The following VPS13A variants were observed in gnomAD, a reference collection of about 807,000 sequenced individuals.
VPS13A encodes intermembrane lipid transfer protein VPS13A.
In VPS13A, 264 loss-of-function variants were observed where a neutral mutation model predicts 390.9. That is an observed-to-expected ratio of 0.68 (90% CI 0.61 to 0.75). The LOEUF is 0.75. Among genes scored for constraint, VPS13A ranks in the 30% least tolerant of loss-of-function variants. VPS13A has a pLI of 0.00. For synonymous variants in VPS13A, 1,231 were observed against 1,227.1 expected (o/e 1.00, Z -0.07); for missense variants, 3,409 against 3,733.9 (o/e 0.91, Z 2.27).
At chr9:77,258,367 T>C (rs748349806) in intron 22 of VPS13A, among the ~76,000 whole-genome samples, 38 of 152,168 alleles carry the variant, frequency 2.5e-4, no homozygotes, top group South Asian at 1.0e-3. Flanking sequence ...TCCTATATGG[T>C]ACATGGGGTG....
chr9:77,413,529 G>A (rs1345817975), intron 71 of VPS13A, among the ~76,000 whole-genome samples: 1 of 152,128 alleles, frequency 6.6e-6, no homozygotes, highest in African/African-American at 2.4e-5. Context: ...GGGAAAACTA[G>A]CTAGCCATAT....
intron 1 of VPS13A, among the ~76,000 whole-genome samples, chr9:77,195,851 AT>A (rs1358805777): frequency 1.3e-5 from 2 of 148,968 alleles, no homozygotes; most frequent in Non-Finnish European, 3.0e-5. Flanking sequence ...CTAGGTTTGC[AT>A]TTTGTTTTGT....
At chr9:77,377,895 A>G (rs1267573096) in intron 67 of VPS13A, among the ~76,000 whole-genome samples, 1 of 152,186 alleles carries the variant, frequency 6.6e-6, no homozygotes, top group Non-Finnish European at 1.5e-5. Flanking sequence ...AGATTTTATG[A>G]AACGCTTTTT....
chr9:77,321,252 C>G lies in VPS13A; in HGVS notation c.5499C>G (p.Ile1833Met). ...AAGTGCCAGAATATAAAACTGTCAT[C>G]AGTTTCCATTCAAAAGACCAATTAA... ...NYKVPEYKTV[I>M]SFHSKDQLNI... Residue 1833 changes from isoleucine to methionine, a missense_variant, in exon 43 of 72, where the codon ATC becomes ATG. Ile to Met is a conservative substitution (Grantham distance 10, BLOSUM62 1). This residue lies in a region of VPS13A where 2,717 missense variants were observed against 2,917.4 expected (regional missense o/e 0.93). Coordinates refer to ENST00000360280, the MANE Select transcript of VPS13A (RefSeq NM_033305.3). 6.2e-7 allele frequency: 1 copy of G among 1,611,606 alleles called. No individual in the cohort carries two copies. The highest frequency in any genetic ancestry group is 2.2e-5 in the East Asian group (1 of 44,722).
At chr9:77,275,811 C>CCT (rs1564687317) in intron 25 of VPS13A, among the ~76,000 whole-genome samples, 159 bp downstream of exon 25, 1 of 146,882 alleles carries the variant, frequency 6.8e-6, no homozygotes, top group Non-Finnish European at 1.5e-5. Context: ...CCGCCCCCCC[C>CCT]TTTTTTTTTT....
chr9:77,408,839 T>C (rs1834758752), intron 71 of VPS13A, among the ~76,000 whole-genome samples: 1 of 152,234 alleles, frequency 6.6e-6, no homozygotes, highest in African/African-American at 2.4e-5. Context: ...CAAGGAGGCC[T>C]GCCTGCCTCT....
At chr9:77,194,765 T>C (rs942105271) in intron 1 of VPS13A, among the ~76,000 whole-genome samples, 1 of 152,072 alleles carries the variant, frequency 6.6e-6, no homozygotes, top group African/African-American at 2.4e-5. Flanking sequence ...TTCTCCTCCT[T>C]CAGCCCAGGA....
chr9:77,178,027 G>T (rs1823751850), intron 1 of VPS13A: 2 of 524,606 alleles, frequency 3.8e-6, no homozygotes, highest in South Asian at 4.0e-5. Flanking sequence ...GGTCATGAGT[G>T]CGGGATGAAA....
chr9:77,337,957 T>G (rs1378317431), intron 47 of VPS13A: 1 of 155,666 alleles, frequency 6.4e-6, no homozygotes, highest in Non-Finnish European at 1.4e-5. Flanking sequence ...TTATTTTACT[T>G]TTAGAATTAC....
intron 27 of VPS13A, 133 bp downstream of exon 27, chr9:77,280,371 G>T (rs1043279133): frequency 3.1e-6 from 2 of 652,192 alleles, no homozygotes; most frequent in Non-Finnish European, 2.6e-6. Flanking sequence ...TAATACTAAG[G>T]TTTTTTTTAT....
Position 77,226,007 on chromosome 9 carries a change from A to C in VPS13A, c.1224+19A>C, listed in dbSNP as rs374712100. 6.3e-7 allele frequency: 1 copy of C among 1,589,144 alleles called. No homozygotes were observed. On this transcript the variant is annotated intron_variant, in intron 14 of 71. Transcript: ENST00000360280. The stretch of plus-strand genomic sequence containing the variant: ...AGTTGAGGTAATTCTTGGCTTTTCA[A>C]TTAGTAAAAATAATTCTGAATTCCA...
intron 68 of VPS13A, chr9:77,385,083 T>TA (rs1158841375): frequency 1.3e-4 from 133 of 987,526 alleles, no homozygotes; most frequent in East Asian, 3.3e-4. Context: ...TGCCACTGTG[T>TA]AAAAAAAAAG....
chr9:77,314,757 A>C, intron 37 of VPS13A, 93 bp downstream of exon 37: 4 of 1,222,302 alleles, frequency 3.3e-6, no homozygotes. Context: ...TCATTTTCTG[A>C]GTGCATCCTA....
In VPS13A at chr9:77,219,986, G is replaced by T. The variant is rs372957084; in HGVS notation, c.787G>T (p.Val263Leu). The T allele has an allele frequency of 6.2e-7, 1 of 1,613,262 alleles. No individual in the cohort carries two copies. The highest frequency in any genetic ancestry group is 1.3e-5 in the African/African-American group (1 of 74,780). Residue 263 changes from valine (V) to leucine (L), a missense_variant, in exon 11 of 72, where the codon GTG becomes TTG. Physicochemically the swap from Val to Leu is conservative, Grantham distance 32. Around this residue, in one of 5 missense-constraint regions of VPS13A, gnomAD observed 2,717 missense variants for 2,917.4 expected, o/e 0.93. Coordinates refer to ENST00000360280, the MANE Select transcript of VPS13A (RefSeq NM_033305.3). ...TCCCATATCTGCTAATGCCAAACTTGTGATGAATCGCCGATCTGATTTTGA... is the reference window on the plus strand; with the variant it reads ...TCCCATATCTGCTAATGCCAAACTTTTGATGAATCGCCGATCTGATTTTGA... ...FRPISANAKL[V>L]MNRRSDFDFS...
intron 1 of VPS13A, among the ~76,000 whole-genome samples, chr9:77,193,221 T>G (rs1158119705): frequency 1.3e-5 from 2 of 152,208 alleles, no homozygotes; most frequent in African/African-American, 4.8e-5. Flanking sequence ...AATGACTATT[T>G]CATTTTTCAG....
At chr9:77,341,888 A>G (rs112230739) in intron 50 of VPS13A, among the ~76,000 whole-genome samples, 6 of 151,818 alleles carry the variant, frequency 4.0e-5, no homozygotes, top group African/African-American at 1.5e-4. Flanking sequence ...ACAGTAGTTA[A>G]AGCCCATCTT....
At chr9:77,368,467 C>T (rs537761401) in intron 62 of VPS13A, among the ~76,000 whole-genome samples, 25 of 152,158 alleles carry the variant, frequency 1.6e-4, no homozygotes, top group Admixed American at 1.3e-3. Flanking sequence ...CTGATGAACA[C>T]GGGATATTTT....
rs568521782 is a variant in VPS13A, at chr9:77,366,229, A to C, written c.8326-498A>C. ...CTAGCCTGTCTTAAACATGCTCAAA[A>C]CAGCTGGGCAAAATCATCTAACACA... On this transcript the variant is annotated intron_variant, in intron 60 of 71. Coordinates refer to ENST00000360280, the MANE Select transcript of VPS13A (RefSeq NM_033305.3). Among the ~76,000 whole-genome samples the C allele has an allele frequency of 3.3e-5, 5 of 152,198 alleles. No individual in the cohort carries two copies. The South Asian group carries it at 1.0e-3, about 31-fold the overall frequency.
intron 46 of VPS13A, among the ~76,000 whole-genome samples, chr9:77,332,659 A>G (rs1830337239): frequency 6.6e-6 from 1 of 152,124 alleles, no homozygotes; most frequent in Non-Finnish European, 1.5e-5. Flanking sequence ...AATATGAGCT[A>G]GTCTTATAGA....
Sources: gnomAD v4.1 joint callset for allele counts (sites outside exome capture counted in the v4.1 genomes callset) on GRCh38, gnomAD v4.1.1 for gene constraint, gnomAD v4.1.1 regional missense constraint, MANE v1.5 for transcripts, NCBI Gene and HGNC (gene_info 2026-07-23, HGNC 2026-07-21) for gene names.